SLC39A8: variants seen among roughly 807,000 people sequenced by gnomAD.
SLC39A8 encodes the protein metal cation symporter ZIP8.
In SLC39A8, 15 loss-of-function variants were observed where a neutral mutation model predicts 40.4. The ratio of observed to expected loss-of-function variants is 0.37; its 90% CI spans 0.25 to 0.57. The LOEUF (loss-of-function observed/expected upper bound fraction) is 0.57. Ranked by LOEUF, SLC39A8 falls within the 20% of genes least tolerant of loss-of-function variation. The probability of loss-of-function intolerance (pLI) is 0.75; values close to 1 mark genes in which losing one functional copy is unlikely to be tolerated. For missense variants in SLC39A8, 472 were observed against 558.8 expected, an observed-to-expected ratio of 0.84 and a Z score of 1.57; for synonymous variants, 223 against 221.6, an observed-to-expected ratio of 1.01 and a Z score of -0.06.
At chr4:102,327,433 C>G (rs1298575644) in intron 2 of SLC39A8, among the ~76,000 whole-genome samples, 1 of 152,162 alleles carries the variant, frequency 6.6e-6, no homozygotes, top group East Asian at 1.9e-4. Flanking sequence ...GACTTTGCAT[C>G]TCCCATGACC....
intron 2 of SLC39A8, among the ~76,000 whole-genome samples, chr4:102,325,550 C>G (rs1345431254): frequency 6.6e-6 from 1 of 152,180 alleles, no homozygotes; most frequent in Non-Finnish European, 1.5e-5. Flanking sequence ...TTATGATGCA[C>G]TGCTAGGGAT....
intron 3 of SLC39A8, among the ~76,000 whole-genome samples, chr4:102,312,774 GC>G (rs1376720529): frequency 2.0e-5 from 3 of 152,048 alleles, no homozygotes; most frequent in Non-Finnish European, 4.4e-5. Context: ...TTTACAGCAA[GC>G]CCATAAGAAA....
rs1731918219 is a variant in SLC39A8 at position 102,262,733 on chromosome 4, T to C, written c.*311A>G. On this transcript the variant is annotated 3_prime_UTR_variant, in exon 9 of 9. Transcript: ENST00000356736. ...TTGTATTTTCCCCTGAGTCTGAGTG[T>C]CTACATGATTATAGAATGCATGTCT... 9.6e-7 allele frequency: 1 copy of C among 1,041,256 alleles called. No individual in the cohort carries two copies. Among genetic ancestry groups the C allele is most frequent in the South Asian group, 4.1e-5 (1 of 24,162 alleles). The allele number at this position is 1,041,256 out of a possible 1,614,324, so 64.5% of individuals were successfully genotyped here.
exon 12 of SLC39A8, chr4:102,251,364 G>A (rs912162378): frequency 1.3e-5 from 2 of 152,264 alleles, no homozygotes; most frequent in Non-Finnish European, 2.9e-5. Context: ...CAGCTGGGAT[G>A]TCCAGGAACA....
At chr4:102,276,837 T>A (rs1224406752) in intron 6 of SLC39A8, among the ~76,000 whole-genome samples, 2 of 152,112 alleles carry the variant, frequency 1.3e-5, no homozygotes, top group African/African-American at 4.8e-5. Flanking sequence ...GTTCAACATA[T>A]GCAAACCAAT....
intron 6 of SLC39A8, among the ~76,000 whole-genome samples, chr4:102,276,090 GCAAA>G (rs1732605331): frequency 6.6e-6 from 1 of 152,074 alleles, no homozygotes; most frequent in Admixed American, 6.5e-5. Flanking sequence ...AGAAGCAAGA[GCAAA>G]CAAATTCAAA....
chr4:102,338,571 T>G (rs1735780338), intron 2 of SLC39A8, among the ~76,000 whole-genome samples: 1 of 152,206 alleles, frequency 6.6e-6, no homozygotes, highest in African/African-American at 2.4e-5. Context: ...TACCATTTCC[T>G]TAATGTGACT....
chr4:102,320,168 CAT>C (rs70937533), intron 2 of SLC39A8, among the ~76,000 whole-genome samples: 20,720 of 101,744 alleles, frequency 0.2, 1,895 homozygotes, highest in Middle Eastern at 0.26. Flanking sequence ...TATATATATA[CAT>C]ATATATATAT....
At chr4:102,267,392 A>C (rs1732148783) in intron 8 of SLC39A8, 98 bp downstream of exon 8, 2 of 1,109,716 alleles carry the variant, frequency 1.8e-6, no homozygotes, top group Non-Finnish European at 2.5e-6. Context: ...GGCCTTCCAC[A>C]CTGCGGAAAG....
intron 3 of SLC39A8, among the ~76,000 whole-genome samples, chr4:102,309,445 T>C (rs1734329983): frequency 1.3e-5 from 2 of 152,046 alleles, no homozygotes; most frequent in Non-Finnish European, 2.9e-5. Flanking sequence ...TTCCCATTTA[T>C]TACCTTATCA....
chr4:102,343,779 T>C (rs1019466769), intron 2 of SLC39A8, among the ~76,000 whole-genome samples: 5 of 152,350 alleles, frequency 3.3e-5, no homozygotes, highest in African/African-American at 1.2e-4. Flanking sequence ...AGTAGTACCC[T>C]GTTTATTACT....
chr4:102,273,510 T>C (rs577789893), intron 6 of SLC39A8, among the ~76,000 whole-genome samples: 2 of 152,262 alleles, frequency 1.3e-5, no homozygotes, highest in African/African-American at 4.8e-5. Flanking sequence ...GGGGTAGCTG[T>C]GGGCGCAGCT....
At chr4:102,261,130 G>C (rs1205236808), downstream of SLC39A8, among the ~76,000 whole-genome samples, 1 of 63,828 alleles carries the variant, frequency 1.6e-5, no homozygotes, top group Admixed American at 1.2e-4. Flanking sequence ...TAACATCAGT[G>C]TTGGAGAATC....
chr4:102,298,326 T>G (rs766137893), intron 6 of SLC39A8, among the ~76,000 whole-genome samples: 1 of 151,992 alleles, frequency 6.6e-6, no homozygotes, highest in African/African-American at 2.4e-5. Context: ...AGGGCAGGGA[T>G]GCTCTGAGAT....
intron 6 of SLC39A8, among the ~76,000 whole-genome samples, chr4:102,275,826 G>T (rs1732592693): frequency 6.6e-6 from 1 of 152,148 alleles, no homozygotes. Context: ...TCAGGATTAA[G>T]AAACTCACTC....
chr4:102,298,342 C>G (rs1467386423), intron 6 of SLC39A8, among the ~76,000 whole-genome samples: 5 of 151,906 alleles, frequency 3.3e-5, no homozygotes, highest in Non-Finnish European at 7.4e-5. Context: ...GAGATAGACC[C>G]AGTGAGAGAG....
chr4:102,270,082 A>G (rs1732279154), intron 6 of SLC39A8, among the ~76,000 whole-genome samples: 1 of 152,176 alleles, frequency 6.6e-6, no homozygotes, highest in African/African-American at 2.4e-5. Context: ...GCCGTGATAT[A>G]CTTAATGAGA....
At chr4:102,275,735 G>A (rs562453479) in intron 6 of SLC39A8, among the ~76,000 whole-genome samples, 1 of 152,240 alleles carries the variant, frequency 6.6e-6, no homozygotes, top group Non-Finnish European at 1.5e-5. Context: ...ATAATTGGAA[G>A]TAAAACACTC....
At chr4:102,318,726 C>T (rs1477123931) in intron 2 of SLC39A8, among the ~76,000 whole-genome samples, 3 of 152,064 alleles carry the variant, frequency 2.0e-5, no homozygotes, top group African/African-American at 4.8e-5. Context: ...AAACAAATTA[C>T]GGAAAGGGTA....
Sources: gnomAD v4.1 joint callset for allele counts (sites outside exome capture counted in the v4.1 genomes callset) on GRCh38, gnomAD v4.1.1 for gene constraint, MANE v1.5 for transcripts, NCBI Gene and HGNC (gene_info 2026-07-23, HGNC 2026-07-21) for gene names.